HPSE2: variants seen among roughly 807,000 people sequenced by gnomAD.
HPSE2 encodes heparanase 2 (inactive).
HPSE2 carries 38 observed loss-of-function variants against 60.5 expected under a neutral mutation model. The observed-to-expected ratio is 0.63, with a 90% CI of 0.48 to 0.82. HPSE2 has a LOEUF of 0.82. HPSE2 is among the 40% of genes least tolerant of loss of function. The pLI is 0.00. For missense variants in HPSE2, 713 were observed against 740.4 expected, an observed-to-expected ratio of 0.96 and a Z score of 0.43; for synonymous variants, 295 against 293.2, an observed-to-expected ratio of 1.01 and a Z score of -0.06.
intron 2 of HPSE2, among the ~76,000 whole-genome samples, chr10:99,176,952 G>C (rs941855662): frequency 1.8e-4 from 27 of 152,116 alleles, no homozygotes; most frequent in African/African-American, 6.5e-4. Context: ...TCAGAAGAAA[G>C]TGGGGACCAA....
At chr10:98,541,584 C>T (rs1049466221) in intron 9 of HPSE2, among the ~76,000 whole-genome samples, 5 of 152,152 alleles carry the variant, frequency 3.3e-5, no homozygotes, top group African/African-American at 7.2e-5. Context: ...GGGTGACAGA[C>T]GGCACCTGGA....
At chr10:98,562,391 T>C (rs554229841) in intron 9 of HPSE2, among the ~76,000 whole-genome samples, 6 of 152,288 alleles carry the variant, frequency 3.9e-5, no homozygotes, top group Admixed American at 3.3e-4. Flanking sequence ...TCTGAGAGCA[T>C]GGAAAGGCAG....
chr10:98,613,875 T>C (rs1213598582), intron 9 of HPSE2, among the ~76,000 whole-genome samples: 3 of 152,240 alleles, frequency 2.0e-5, no homozygotes, highest in African/African-American at 7.2e-5. Flanking sequence ...CCATGACTTC[T>C]GTGATAAAGG....
At chr10:99,296,502 A>G in the HPSE2 span, among the ~76,000 whole-genome samples, 1 of 152,262 alleles carries the variant, frequency 6.6e-6, no homozygotes, top group South Asian at 2.1e-4. Flanking sequence ...ATATGACTGC[A>G]AAACTGCCCT....
intron 6 of HPSE2, among the ~76,000 whole-genome samples, chr10:98,647,233 T>G (rs1262990341): frequency 6.6e-6 from 1 of 152,196 alleles, no homozygotes; most frequent in African/African-American, 2.4e-5. Context: ...GGCCCCTAGA[T>G]TCAGTCTTCA....
At chr10:99,050,969 G>GTT in intron 3 of HPSE2, among the ~76,000 whole-genome samples, 1 of 152,064 alleles carries the variant, frequency 6.6e-6, no homozygotes, top group East Asian at 1.9e-4. Flanking sequence ...GTGTGTGTGT[G>GTT]TGTATGGAAA....
chr10:98,944,160 T>G (rs1639533202), intron 3 of HPSE2, among the ~76,000 whole-genome samples: 1 of 151,882 alleles, frequency 6.6e-6, no homozygotes, highest in Non-Finnish European at 1.5e-5. Flanking sequence ...AGGCAAAGGG[T>G]AGTGACAGGT....
chr10:98,645,900 G>A (rs1168173084), intron 6 of HPSE2, among the ~76,000 whole-genome samples: 3 of 152,150 alleles, frequency 2.0e-5, no homozygotes, highest in East Asian at 1.9e-4. Context: ...GCGTGAACCC[G>A]GGAGGCGGAG....
chr10:99,003,792 A>AT (rs896926473), intron 3 of HPSE2, among the ~76,000 whole-genome samples: 11 of 151,776 alleles, frequency 7.2e-5, no homozygotes, highest in Non-Finnish European at 1.0e-4. Context: ...CATTCTGTTG[A>AT]TTTTTTTTAG....
intron 2 of HPSE2, among the ~76,000 whole-genome samples, chr10:99,170,734 A>T (rs569694755): frequency 6.6e-6 from 1 of 152,338 alleles, no homozygotes; most frequent in African/African-American, 2.4e-5. Context: ...AACCACACTG[A>T]TATTTTGTTT....
At chr10:98,800,978 A>T (rs1283758050) in intron 3 of HPSE2, among the ~76,000 whole-genome samples, 1 of 151,692 alleles carries the variant, frequency 6.6e-6, no homozygotes, top group African/African-American at 2.4e-5. Flanking sequence ...AATCCTCAAC[A>T]AAATACTAGC....
intron 3 of HPSE2, among the ~76,000 whole-genome samples, chr10:99,101,440 T>A (rs1024264476): frequency 1.3e-5 from 2 of 152,206 alleles, no homozygotes; most frequent in African/African-American, 4.8e-5. Context: ...ATGGGCTAAC[T>A]ATCCTAAATA....
chr10:98,737,093 C>T (rs1265348641), intron 4 of HPSE2, among the ~76,000 whole-genome samples: 1 of 152,132 alleles, frequency 6.6e-6, no homozygotes, highest in Non-Finnish European at 1.5e-5. Context: ...TTCCCCTCCT[C>T]TCCTTCCCTA....
intron 5 of HPSE2, among the ~76,000 whole-genome samples, chr10:98,710,522 T>C (rs1367239653): frequency 1.3e-5 from 2 of 152,142 alleles, no homozygotes; most frequent in East Asian, 3.8e-4. Flanking sequence ...CAATCCATCT[T>C]GTTGATAAAA....
chr10:99,262,301 T>C, the HPSE2 span, among the ~76,000 whole-genome samples: 6 of 152,322 alleles, frequency 3.9e-5, no homozygotes, highest in East Asian at 1.2e-3. Flanking sequence ...CAATATTCTT[T>C]TATGCACTCC....
intron 8 of HPSE2, among the ~76,000 whole-genome samples, chr10:98,617,732 C>T (rs1393815331): frequency 6.6e-6 from 1 of 152,168 alleles, no homozygotes; most frequent in African/African-American, 2.4e-5. Flanking sequence ...AAAGATGCTA[C>T]CCTGCCATTA....
chr10:98,620,021 C>T (rs772520929), intron 8 of HPSE2, among the ~76,000 whole-genome samples: 2 of 152,226 alleles, frequency 1.3e-5, no homozygotes, highest in East Asian at 1.9e-4. Flanking sequence ...TTTTCTCATC[C>T]GTAAATGGGA....
Position 98,803,244 on chromosome 10 carries a change from G to A in HPSE2, c.611-59188C>T, listed in dbSNP as rs1950960118. On this transcript the variant is annotated intron_variant, in intron 3 of 11. Coordinates refer to ENST00000370552, the MANE Select transcript of HPSE2 (RefSeq NM_021828.5). ...TAGCCCTTTGTCAGATGAGTAGGTT[G>A]CAAAAATTTTCTCCCATTTTGTAGG... is the stretch of plus-strand genomic sequence containing the variant. Among the ~76,000 whole-genome samples, 5 of 150,280 alleles carry A rather than the reference G, an allele frequency of 3.3e-5. No individual in the cohort carries two copies. The South Asian group carries it at 1.0e-3, about 31-fold the overall frequency.
At chr10:98,960,701 CTTTT>C in intron 3 of HPSE2, among the ~76,000 whole-genome samples, 2 of 57,562 alleles carry the variant, frequency 3.5e-5, no homozygotes, top group East Asian at 1.0e-3. Context: ...ATGTACATTT[CTTTT>C]TTTTTTTTTT....
Sources: allele counts gnomAD v4.1 joint callset (sites outside exome capture counted in the v4.1 genomes callset), GRCh38; gene constraint gnomAD v4.1.1; transcripts MANE v1.5; gene names NCBI Gene and HGNC (gene_info 2026-07-23, HGNC 2026-07-21).